ZNF574: variants seen among roughly 807,000 people sequenced by gnomAD.
ZNF574 encodes zinc finger protein 574.
Under a neutral mutation model 56.6 loss-of-function variants are expected in ZNF574, and 25 were observed. The observed-to-expected ratio is 0.44, with a 90% CI of 0.32 to 0.62. The LOEUF is 0.62. ZNF574 is among the 20% of genes least tolerant of loss of function. ZNF574 has a pLI of 0.04. For missense variants in ZNF574, 1,065 were observed against 1,218.9 expected (o/e 0.87, Z 1.88); for synonymous variants, 543 against 492.1 (o/e 1.10, Z -1.37).
At chr19:42,068,828 G>C (rs1477982546) in exon 1 of ZNF574, 2 of 659,208 alleles carry the variant, frequency 3.0e-6, no homozygotes, top group Non-Finnish European at 5.5e-6. Context: ...AGGAGATAGA[G>C]ACTGGACGGG....
At chr19:42,072,981 C>G (rs961868063), upstream of ZNF574, among the ~76,000 whole-genome samples, 1 of 152,260 alleles carries the variant, frequency 6.6e-6, no homozygotes, top group Non-Finnish European at 1.5e-5. Context: ...TCACCTACCC[C>G]AGGTGATTTT....
Position 42,079,642 on chromosome 19 carries a change from C to T in ZNF574, c.1036C>T (p.Pro346Ser), listed in dbSNP as rs2076482393. 1 of 1,613,976 alleles carries T rather than the reference C, an allele frequency of 6.2e-7. No homozygotes were observed. The highest frequency in any genetic ancestry group is 8.5e-7 in the Non-Finnish European group (1 of 1,180,020). The change falls in exon 2 of 2, where the codon CCT (proline) becomes TCT (serine). Residue 346 changes from proline (P) to serine (S), a missense_variant. Transcript: ENST00000359044. The surrounding 1 kb of genome is among the most constrained non-coding windows in gnomAD (Gnocchi z 4.3). ...GTGCCCCCTGTGCAGTCGTGTCTTC[C>T]CTAGCCCTTCCAGTCTGGACCAGCA... ...FKCPLCSRVF[P>S]SPSSLDQHLG... is the part of the protein sequence containing the mutation.
At chr19:42,078,447 G>T (rs753422822) in intron 1 of ZNF574, 140 bp from the exon 2 acceptor site, 17 of 741,030 alleles carry the variant, frequency 2.3e-5, no homozygotes, top group African/African-American at 5.3e-5. Flanking sequence ...AAGGATTATT[G>T]GGAGGGAGGC....
At position 42,080,342 on chromosome 19, in the gene ZNF574, A is replaced by T; in HGVS notation, c.1736A>T (p.Tyr579Phe). The change falls in exon 2 of 2, where the codon TAC becomes TTC. Residue 579 changes from tyrosine (Y) to phenylalanine (F), a missense_variant. By Grantham distance (22) the Tyr-to-Phe change is conservative. Coordinates refer to ENST00000359044, the MANE Select transcript of ZNF574 (RefSeq NM_022752.6). The surrounding 1 kb of genome is among the most constrained non-coding windows in gnomAD (Gnocchi z 8.5). ...HRLVHAQHFP[Y>F]RCQECGVRFH... ...TTGGTGCATGCCCAGCACTTCCCCTACCGCTGCCAGGAATGTGGGGTGCGT... is the reference window on the plus strand; with the variant it reads ...TTGGTGCATGCCCAGCACTTCCCCTTCCGCTGCCAGGAATGTGGGGTGCGT... The T allele has an allele frequency of 1.2e-6, 2 of 1,614,044 alleles. No individual in the cohort carries two copies. The highest frequency in any genetic ancestry group is 1.7e-6 in the Non-Finnish European group (2 of 1,179,988).
Position 42,079,860 on chromosome 19 carries a change from C to A in ZNF574, c.1254C>A (p.Val418=). ...YHRRTHGVGG[V]PLPTTPVPPE... ...GGCGTACTCATGGGGTAGGGGGTGT[C>A]CCTCTGCCCACAACACCAGTCCCAC... The change falls in exon 2 of 2, where the codon GTC becomes GTA. Residue 418 remains valine, a synonymous_variant. Coordinates refer to ENST00000359044, the MANE Select transcript of ZNF574 (RefSeq NM_022752.6). This position sits in a 1 kb window ranked among gnomAD's most constrained non-coding sequence, Gnocchi z 4.3. 2 of 1,614,140 alleles carry A rather than the reference C, an allele frequency of 1.2e-6. No individual in the cohort carries two copies. The highest frequency in any genetic ancestry group is 1.1e-5 in the South Asian group (1 of 91,082).
chr19:42,081,155 C>T lies in ZNF574; in HGVS notation c.2549C>T (p.Ala850Val). The T allele has an allele frequency of 6.2e-7, 1 of 1,614,120 alleles. No individual in the cohort carries two copies. The highest frequency in any genetic ancestry group is 8.5e-7 in the Non-Finnish European group (1 of 1,180,044). The change falls in exon 2 of 2, where the codon GCA becomes GTA. Residue 850 changes from alanine to valine, a missense_variant. Transcript: ENST00000359044. The stretch of plus-strand genomic sequence containing the variant: ...AAGACCCATCAGCAGCAGCATCAGG[C>T]AGCTGTGCGGCAGCAGCTGGCAGAG... ...HRKTHQQQHQ[A>V]AVRQQLAEAE...
At chr19:42,077,851 G>T (rs2076466479) in intron 1 of ZNF574, among the ~76,000 whole-genome samples, 1 of 152,122 alleles carries the variant, frequency 6.6e-6, no homozygotes, top group Non-Finnish European at 1.5e-5. Context: ...AAACAGGGCT[G>T]CGTATCATGA....
In ZNF574 at chr19:42,080,041, T is replaced by C; in HGVS notation, c.1435T>C (p.Leu479=). 6.2e-7 allele frequency: 1 copy of C among 1,614,002 alleles called. No homozygotes were observed. Among genetic ancestry groups the C allele is most frequent in the East Asian group, 2.2e-5 (1 of 44,892 alleles). Residue 479 remains leucine, a synonymous_variant, in exon 2 of 2, where the codon TTG becomes CTG. Transcript: ENST00000359044. The surrounding 1 kb of genome is among the most constrained non-coding windows in gnomAD (Gnocchi z 8.5). ...GTGCAGCCGTGAATTTGGAAAGGCC[T>C]TGCAGCTGACCCGGCACCAACGTTT... ...LLCSREFGKA[L]QLTRHQRFVH...
upstream of ZNF574, among the ~76,000 whole-genome samples, chr19:42,073,202 G>C (rs932666661): frequency 1.3e-5 from 2 of 152,172 alleles, no homozygotes; most frequent in Non-Finnish European, 2.9e-5. Flanking sequence ...TCCTAACTAT[G>C]GGAACTACGA....
chr19:42,078,931 C>T lies in ZNF574; in HGVS notation c.325C>T (p.Pro109Ser), dbSNP rs1421961963. The change falls in exon 2 of 2, where the codon CCA becomes TCA. Residue 109 changes from proline (P) to serine (S), a missense_variant. Coordinates refer to ENST00000359044, the MANE Select transcript of ZNF574 (RefSeq NM_022752.6). ...GATGATGGCACCCCAGGAGGCAGTG[C>T]CAGCTGAGCCATCACCTAAGGCACC... The part of the protein sequence containing the change: ...LKMMAPQEAV[P>S]AEPSPKAPPL... 1 of 1,613,962 alleles carries T rather than the reference C, an allele frequency of 6.2e-7. No homozygotes were observed. The highest frequency in any genetic ancestry group is 1.3e-5 in the African/African-American group (1 of 74,914).
upstream of ZNF574, among the ~76,000 whole-genome samples, chr19:42,072,265 C>A (rs187667018): frequency 2.9e-5 from 4 of 136,496 alleles, 1 homozygote; most frequent in Admixed American, 2.3e-4. Flanking sequence ...GATGGAGTCT[C>A]GCTCTGTTGT....
upstream of ZNF574, chr19:42,074,660 G>A (rs1169595139): frequency 6.6e-6 from 1 of 152,086 alleles, no homozygotes; most frequent in East Asian, 1.9e-4. Context: ...TCCAATCCGG[G>A]AATCTGTTTT....
At chr19:42,077,649 G>C (rs985877306) in intron 1 of ZNF574, among the ~76,000 whole-genome samples, 6 of 152,088 alleles carry the variant, frequency 3.9e-5, no homozygotes, top group African/African-American at 1.4e-4. Flanking sequence ...TTGTCGATTT[G>C]GTCTTGGTAC....
In ZNF574 at chr19:42,079,630, A is replaced by C. The variant is rs1176045509; in HGVS notation, c.1024A>C (p.Ser342Arg). 1.2e-6 allele frequency: 2 copies of C among 1,614,008 alleles called. No individual in the cohort carries two copies. The highest frequency in any genetic ancestry group is 2.2e-5 in the East Asian group (1 of 44,860). Residue 342 changes from serine to arginine, a missense_variant, in exon 2 of 2, where the codon AGT becomes CGT. Physicochemically the swap from Ser to Arg is moderately radical, Grantham distance 110. Transcript: ENST00000359044. The surrounding 1 kb of genome is among the most constrained non-coding windows in gnomAD (Gnocchi z 4.3). ...GGGCGTCTTTAAGTGCCCCCTGTGCAGTCGTGTCTTCCCTAGCCCTTCCAG... is the reference window on the plus strand; with the variant it reads ...GGGCGTCTTTAAGTGCCCCCTGTGCCGTCGTGTCTTCCCTAGCCCTTCCAG... ...REGVFKCPLC[S>R]RVFPSPSSLD...
upstream of ZNF574, among the ~76,000 whole-genome samples, chr19:42,074,456 T>TAAAATA (rs1241219652): frequency 6.9e-6 from 1 of 145,962 alleles, no homozygotes; most frequent in African/African-American, 2.6e-5. Flanking sequence ...CTCTGTCTCA[T>TAAAATA]AAATAAAATA....
Position 42,079,407 on chromosome 19 carries a change from C to G in ZNF574, c.801C>G (p.Asp267Glu). The G allele has an allele frequency of 6.2e-7, 1 of 1,613,718 alleles. No individual in the cohort carries two copies. Among genetic ancestry groups the G allele is most frequent in the Non-Finnish European group, 8.5e-7 (1 of 1,180,034 alleles). ...CAGAGGTGCCTGTGTCTCAGCCTGA[C>G]CCCTTGCCAGCTTCTGACCACAGTT... ...SPAEVPVSQP[D>E]PLPASDHSYE... Residue 267 changes from aspartate (D) to glutamate (E), a missense_variant, in exon 2 of 2, where the codon GAC becomes GAG. By Grantham distance (45) the Asp-to-Glu change is conservative. Coordinates refer to ENST00000359044, the MANE Select transcript of ZNF574 (RefSeq NM_022752.6). The surrounding 1 kb of genome is among the most constrained non-coding windows in gnomAD (Gnocchi z 4.3).
chr19:42,074,818 G>A (rs900897978), upstream of ZNF574: 5 of 152,246 alleles, frequency 3.3e-5, no homozygotes, highest in African/African-American at 7.2e-5. Context: ...ACAATTCTGA[G>A]AGTCAGTTTC....
upstream of ZNF574, among the ~76,000 whole-genome samples, chr19:42,073,814 C>CA (rs577928373): frequency 0.099 from 3,139 of 31,820 alleles, 442 homozygotes; most frequent in Middle Eastern, 0.12. Context: ...TAGACTGTCT[C>CA]AAAAAAAAAA....
At chr19:42,069,163 C>A in intron 1 of ZNF574, 1 of 391,324 alleles carries the variant, frequency 2.6e-6, no homozygotes, top group South Asian at 1.0e-4. Context: ...GAATGTGGTG[C>A]CCCCCTGCCA....
Sources: allele counts gnomAD v4.1 joint callset (sites outside exome capture counted in the v4.1 genomes callset), GRCh38; gene constraint gnomAD v4.1.1; non-coding constraint Gnocchi (gnomAD v3.1); transcripts MANE v1.5; gene names NCBI Gene and HGNC (gene_info 2026-07-23, HGNC 2026-07-21).